The following FOXN3 variants were observed in gnomAD, a reference collection of about 807,000 sequenced individuals.
The protein encoded by FOXN3 is forkhead box protein N3.
Under a neutral mutation model 38.4 loss-of-function variants are expected in FOXN3, and 7 were observed. The ratio of observed to expected loss-of-function variants is 0.18; its 90% confidence interval spans 0.10 to 0.34. The LOEUF (loss-of-function observed/expected upper bound fraction) is 0.34, where lower values mean the gene tolerates loss of function less well. FOXN3 is among the 10% of genes least tolerant of loss of function. The pLI is 1.00. For missense variants in FOXN3, 456 were observed against 613.4 expected (o/e 0.74, Z 2.71); for synonymous variants, 230 against 242.2 (o/e 0.95, Z 0.47).
chr14:89,235,544 T>A (rs1596121801), intron 4 of FOXN3, among the ~76,000 whole-genome samples: 1 of 152,184 alleles, frequency 6.6e-6, no homozygotes, highest in African/African-American at 2.4e-5. Context: ...GCAGTAAGCA[T>A]GTCTTCTCCA....
At chr14:89,183,205 G>A (rs1473130752) in intron 4 of FOXN3, among the ~76,000 whole-genome samples, 1 of 152,156 alleles carries the variant, frequency 6.6e-6, no homozygotes, top group Non-Finnish European at 1.5e-5. Flanking sequence ...CCTAGAAATG[G>A]TCAGATAGCC....
At chr14:89,504,018 C>A (rs1893857142) in intron 1 of FOXN3, among the ~76,000 whole-genome samples, 1 of 152,214 alleles carries the variant, frequency 6.6e-6, no homozygotes, top group Admixed American at 6.5e-5. Context: ...CTCTCCTCCT[C>A]ACCTTGCTCT....
chr14:89,486,866 CTG>C (rs1490511348), intron 1 of FOXN3, among the ~76,000 whole-genome samples: 1 of 152,190 alleles, frequency 6.6e-6, no homozygotes, highest in Non-Finnish European at 1.5e-5. Flanking sequence ...GTTTTTGAAA[CTG>C]TCTCATGGGG....
intron 2 of FOXN3, among the ~76,000 whole-genome samples, chr14:89,367,825 C>T (rs369064632): frequency 8.0e-5 from 8 of 99,648 alleles, no homozygotes; most frequent in Admixed American, 3.8e-4. Context: ...CTCAGCAAGC[C>T]GGCCTCCTGC....
At chr14:89,479,979 C>T (rs1893289163) in intron 1 of FOXN3, among the ~76,000 whole-genome samples, 1 of 152,210 alleles carries the variant, frequency 6.6e-6, no homozygotes, top group Non-Finnish European at 1.5e-5. Flanking sequence ...GCATACCTTT[C>T]CTTGGTATTA....
At chr14:89,300,578 T>G (rs891966476) in intron 3 of FOXN3, among the ~76,000 whole-genome samples, 9 of 152,170 alleles carry the variant, frequency 5.9e-5, no homozygotes, top group Non-Finnish European at 1.3e-4. Context: ...AATAACCTAT[T>G]TGTGGAGAAA....
chr14:89,585,969 T>C (rs1172014776), intron 1 of FOXN3, among the ~76,000 whole-genome samples: 2 of 152,042 alleles, frequency 1.3e-5, no homozygotes, highest in African/African-American at 4.8e-5. Flanking sequence ...ACATGGGAAG[T>C]AACATTCAAG....
intron 4 of FOXN3, among the ~76,000 whole-genome samples, chr14:89,275,419 C>T (rs758808666): frequency 1.3e-5 from 2 of 152,172 alleles, no homozygotes; most frequent in Non-Finnish European, 2.9e-5. Context: ...TCTTTGCCAT[C>T]GCTGAGGTCT....
intron 1 of FOXN3, chr14:89,576,857 T>C (rs1003592511): frequency 6.6e-6 from 1 of 152,222 alleles, no homozygotes; most frequent in Non-Finnish European, 1.5e-5. Context: ...TTTCACTCAG[T>C]AGTCAAAGAA....
intron 1 of FOXN3, among the ~76,000 whole-genome samples, chr14:89,497,405 T>C (rs1395577889): frequency 0.02 from 2 of 102 alleles, no homozygotes; most frequent in Non-Finnish European, 0.2. Flanking sequence ...TATAAATATC[T>C]TTTTTTTTTT....
At chr14:89,173,404 A>AC (rs1887440948) in intron 5 of FOXN3, among the ~76,000 whole-genome samples, 1 of 152,252 alleles carries the variant, frequency 6.6e-6, no homozygotes, top group African/African-American at 2.4e-5. Context: ...ATGTGGCATT[A>AC]CCTTGTAAAG....
At chr14:89,446,191 TTTTTC>T (rs771420245) in intron 1 of FOXN3, among the ~76,000 whole-genome samples, 6,098 of 84,678 alleles carry the variant, frequency 0.072, 888 homozygotes, top group African/African-American at 0.13. Flanking sequence ...TTTTTTTTTT[TTTTTC>T]TTTTTTTTTT....
At chr14:89,481,178 G>A (rs954259601) in intron 1 of FOXN3, among the ~76,000 whole-genome samples, 12 of 151,678 alleles carry the variant, frequency 7.9e-5, no homozygotes, top group Non-Finnish European at 1.2e-4. Flanking sequence ...GGCCTGTTTG[G>A]ATTCTCTGCA....
chr14:89,325,919 A>C (rs148163356), intron 3 of FOXN3, among the ~76,000 whole-genome samples: 2,008 of 152,334 alleles, frequency 0.013, 48 homozygotes, highest in African/African-American at 0.046. Context: ...CTCTCAACAC[A>C]GGTCTGGCGT....
At chr14:89,431,869 C>G (rs951210366) in intron 1 of FOXN3, among the ~76,000 whole-genome samples, 1 of 152,244 alleles carries the variant, frequency 6.6e-6, no homozygotes, top group South Asian at 2.1e-4. Context: ...CGCCCGCCAC[C>G]ACGTCCAGCT....
At chr14:89,344,844 T>C (rs1377394396) in intron 3 of FOXN3, among the ~76,000 whole-genome samples, 1 of 152,156 alleles carries the variant, frequency 6.6e-6, no homozygotes, top group East Asian at 1.9e-4. Context: ...CTGGAAACAT[T>C]AAAATACGCA....
chr14:89,356,953 G>A (rs1388257037), intron 2 of FOXN3, among the ~76,000 whole-genome samples: 3 of 152,222 alleles, frequency 2.0e-5, no homozygotes, highest in Non-Finnish European at 4.4e-5. Flanking sequence ...GGCTGGAAGT[G>A]GCAAGAGCAC....
intron 1 of FOXN3, among the ~76,000 whole-genome samples, chr14:89,432,932 T>C (rs865830767): frequency 5.3e-5 from 8 of 152,142 alleles, no homozygotes; most frequent in Admixed American, 3.3e-4. Flanking sequence ...TCTCCTGCCT[T>C]GACCTCCCAA....
chr14:89,471,876 C>T (rs1893102586), intron 1 of FOXN3, among the ~76,000 whole-genome samples: 1 of 152,184 alleles, frequency 6.6e-6, no homozygotes, highest in Admixed American at 6.5e-5. Flanking sequence ...AGGAATGACC[C>T]ATCAGCTTCG....
Sources: allele counts gnomAD v4.1 joint callset (sites outside exome capture counted in the v4.1 genomes callset), GRCh38; gene constraint gnomAD v4.1.1; transcripts MANE v1.5; gene names NCBI Gene and HGNC (gene_info 2026-07-23, HGNC 2026-07-21).